The following ZDHHC16 variants were observed in gnomAD, a reference collection of about 807,000 sequenced individuals.
The protein encoded by ZDHHC16 is palmitoyltransferase ZDHHC16.
In ZDHHC16, 33 loss-of-function variants were observed where a neutral mutation model predicts 54.4. That is an observed-to-expected ratio of 0.61 (90% CI 0.46 to 0.81). The LOEUF is 0.81. Among genes scored for constraint, ZDHHC16 ranks in the 30% least tolerant of loss-of-function variants. ZDHHC16 has a pLI of 0.00. For synonymous variants in ZDHHC16, 185 were observed against 182.1 expected (o/e 1.02, Z -0.13); for missense variants, 420 against 485.9 (o/e 0.86, Z 1.28).
chr10:97,456,926 T>A lies in ZDHHC16; in HGVS notation c.*35T>A. ...TGTCAGCCACGACTCGAGCACTCATTCTGCTCCCTATGTTATTTCAAGGGC... is the reference window on the plus strand; with the variant it reads ...TGTCAGCCACGACTCGAGCACTCATACTGCTCCCTATGTTATTTCAAGGGC... On this transcript the variant is annotated 3_prime_UTR_variant, in exon 12 of 12. Transcript: ENST00000393760. 3 of 1,528,230 alleles carry A rather than the reference T, an allele frequency of 2.0e-6. No homozygotes were observed. In the South Asian group the frequency reaches 3.6e-5, roughly 18 times the overall value. The allele number at this position is 1,528,230 out of a possible 1,614,324, so 94.7% of individuals were successfully genotyped here. A position where few individuals can be genotyped will look rare whatever the true frequency, so the allele number is the denominator to read the frequency against.
In ZDHHC16 at chr10:97,456,049, T is replaced by C. The variant is rs1179064410; in HGVS notation, c.1019+5T>C. On this transcript the variant is annotated splice_donor_5th_base_variant and intron_variant, in intron 11 of 11. Coordinates refer to ENST00000393760, the MANE Select transcript of ZDHHC16 (RefSeq NM_198046.3). ...CCTGGGTGTGGATACAGGAAGGTAA[T>C]GTAAGACACACAGACTAATGCTGTC... The C allele has an allele frequency of 3.1e-6, 5 of 1,613,864 alleles. No individual in the cohort carries two copies. The highest frequency in any genetic ancestry group is 2.7e-5 in the African/African-American group (2 of 74,926).
intron 9 of ZDHHC16, 132 bp from the exon 10 acceptor site, chr10:97,455,528 A>C: frequency 6.9e-7 from 1 of 1,443,608 alleles, no homozygotes; most frequent in South Asian, 1.3e-5. Flanking sequence ...TTTATCTAGG[A>C]TATATGGTGG....
At chr10:97,452,012 C>A (rs1156913626) in intron 3 of ZDHHC16, 78 bp from the exon 4 acceptor site, 4 of 1,600,288 alleles carry the variant, frequency 2.5e-6, no homozygotes, top group Non-Finnish European at 3.4e-6. Context: ...AGGCCGGCCC[C>A]CACCCCCAGG....
At chr10:97,453,395 C>A in intron 6 of ZDHHC16, 135 bp from the exon 7 acceptor site, 1 of 1,273,016 alleles carries the variant, frequency 7.9e-7, no homozygotes, top group Non-Finnish European at 1.1e-6. Context: ...TATTTTCTTG[C>A]CTTTGGAAAG....
In ZDHHC16 at chr10:97,451,680, G is replaced by T. The variant is rs762631840; in HGVS notation, c.5G>T (p.Arg2Leu). The change falls in exon 3 of 12, where the codon CGA (arginine) becomes CTA (leucine). Residue 2 changes from arginine to leucine, a missense_variant. Arg to Leu is a moderately radical substitution (Grantham distance 102). Transcript: ENST00000393760. M[R>L]GQRSLLLGPA... ...TGGTGTGCTCTCGTAGGAACCATGC[G>T]AGGCCAGCGGAGCCTGCTGCTGGGC... 1 of 1,609,752 alleles carries T rather than the reference G, an allele frequency of 6.2e-7. No individual in the cohort carries two copies. The highest frequency in any genetic ancestry group is 1.7e-5 in the Admixed American group (1 of 59,818).
rs1235950070 is a variant in ZDHHC16, at chr10:97,454,794, G to A, written c.819G>A (p.Leu273=). Residue 273 remains leucine (L), a synonymous_variant, in exon 9 of 12, where the codon CTG becomes CTA. Coordinates refer to ENST00000393760, the MANE Select transcript of ZDHHC16 (RefSeq NM_198046.3). The part of the protein sequence containing the change: ...THKSLVYLWF[L]CSSVALALGA... ...AGAGTCTTGTCTACCTCTGGTTCCT[G>A]TGCAGGTATTTGTTTTTGATAGTTT... 1.9e-6 allele frequency: 3 copies of A among 1,613,982 alleles called. No homozygotes were observed. The highest frequency in any genetic ancestry group is 1.1e-5 in the South Asian group (1 of 91,042).
chr10:97,446,347 G>T lies in ZDHHC16; in HGVS notation c.-192G>T. On this transcript the variant is annotated 5_prime_UTR_variant, in exon 1 of 12. Coordinates refer to ENST00000393760, the MANE Select transcript of ZDHHC16 (RefSeq NM_198046.3). Reference sequence around the variant, plus strand: ...GTTTGGCTGACTGGGGAGTCGGCAGGCGGCAGGTAAGGGCGAAGCCTCGGC... The same window carrying T: ...GTTTGGCTGACTGGGGAGTCGGCAGTCGGCAGGTAAGGGCGAAGCCTCGGC... 1 of 400,186 alleles carries T rather than the reference G, an allele frequency of 2.5e-6. No individual in the cohort carries two copies. The highest frequency in any genetic ancestry group is 5.6e-5 in the East Asian group (1 of 17,786). The allele number at this position is 400,186 out of a possible 1,614,324, so 24.8% of individuals were successfully genotyped here. A position where few individuals can be genotyped will look rare whatever the true frequency, so the allele number is the denominator to read the frequency against.
chr10:97,452,373 G>C (rs370862754), intron 4 of ZDHHC16, 42 bp from the exon 5 acceptor site: 4 of 1,611,840 alleles, frequency 2.5e-6, no homozygotes, highest in Non-Finnish European at 3.4e-6. Flanking sequence ...AGTTTTGAGA[G>C]ACAGAACTGG....
chr10:97,452,497 G>GC lies in ZDHHC16; in HGVS notation c.522dup (p.Asn175GlnfsTer22). The GC allele has an allele frequency of 6.2e-7, 1 of 1,614,004 alleles. No homozygotes were observed. The highest frequency in any genetic ancestry group is 8.5e-7 in the Non-Finnish European group (1 of 1,179,926). On this transcript the variant is annotated frameshift_variant, in exon 5 of 12. Coordinates refer to ENST00000393760, the MANE Select transcript of ZDHHC16 (RefSeq NM_198046.3). LOFTEE classifies it high-confidence loss of function. ...GCCCGAACACACCACTGCAGCATCT[G>GC]CAACAGGTGGGTCTTGGCTTTGCTC...
At chr10:97,455,063 T>C (rs142023266) in intron 9 of ZDHHC16, among the ~76,000 whole-genome samples, 121 of 152,336 alleles carry the variant, frequency 7.9e-4, no homozygotes, top group South Asian at 2.7e-3. Flanking sequence ...TCTTAGCACC[T>C]GTCTAAAGGC....
At position 97,455,788 on chromosome 10, in the gene ZDHHC16, G is replaced by A; in HGVS notation, c.948+5G>A. The A allele has an allele frequency of 2.5e-6, 4 of 1,613,412 alleles. No homozygotes were observed. The highest frequency in any genetic ancestry group is 3.4e-6 in the Non-Finnish European group (4 of 1,179,302). Reference sequence around the variant, plus strand: ...CGGCTACAGGCCAAGGGCAGAGTGAGTAGGGTTGAAGGCTCGGGGTGGGTA... The same window carrying A: ...CGGCTACAGGCCAAGGGCAGAGTGAATAGGGTTGAAGGCTCGGGGTGGGTA... On this transcript the variant is annotated splice_donor_5th_base_variant and intron_variant, in intron 10 of 11. Transcript: ENST00000393760.
intron 7 of ZDHHC16, 27 bp from the exon 8 acceptor site, chr10:97,453,772 A>G: frequency 6.2e-7 from 1 of 1,614,202 alleles, no homozygotes; most frequent in Non-Finnish European, 8.5e-7. Context: ...CTGAGAGTAT[A>G]ACCAGCACTG....
chr10:97,452,951 A>G (rs1192796268), intron 6 of ZDHHC16, 28 bp downstream of exon 6: 5 of 1,614,022 alleles, frequency 3.1e-6, no homozygotes. Flanking sequence ...CTTCTGCCTG[A>G]GGCCTTCTTT....
At chr10:97,456,309 T>TC (rs1847178762) in intron 11 of ZDHHC16, 30 of 450,770 alleles carry the variant, frequency 6.7e-5, no homozygotes, top group South Asian at 4.6e-4. Flanking sequence ...GTGTAGGATA[T>TC]GGTGGCCACC....
chr10:97,455,565 G>T, intron 9 of ZDHHC16, 95 bp from the exon 10 acceptor site: 14 of 1,600,642 alleles, frequency 8.7e-6, no homozygotes, highest in Non-Finnish European at 1.2e-5. Context: ...AGGTAGAGAG[G>T]TTCCAAACCA....
rs371597767 is a variant in ZDHHC16, at chr10:97,451,674, C to G, written c.-2C>G. On this transcript the variant is annotated 5_prime_UTR_variant, in exon 3 of 12. Transcript: ENST00000393760. ...TCACAATGGTGTGCTCTCGTAGGAA[C>G]CATGCGAGGCCAGCGGAGCCTGCTG... The G allele has an allele frequency of 9.9e-6, 16 of 1,608,120 alleles. No homozygotes were observed. Among genetic ancestry groups the G allele is most frequent in the Non-Finnish European group, 1.3e-5 (15 of 1,178,040 alleles).
In ZDHHC16 at chr10:97,456,970, T is replaced by C. The variant is rs1318769025; in HGVS notation, c.*79T>C. On this transcript the variant is annotated 3_prime_UTR_variant, in exon 12 of 12. Transcript: ENST00000393760. ...CAAGGGCCTCCAAGGGCAGCTTTTC[T>C]CAGAATCCTTGATCAAAAAGAGCCA... 6.7e-6 allele frequency: 8 copies of C among 1,197,178 alleles called. No individual in the cohort carries two copies. Among genetic ancestry groups the C allele is most frequent in the Non-Finnish European group, 9.2e-6 (8 of 873,088 alleles). 74.2% of individuals were successfully genotyped at this position (1,197,178 alleles called of 1,614,324 possible).
rs769634426 is a variant in ZDHHC16, at chr10:97,453,674, C to T, written c.690+11C>T. ...TATGCTGCCATTGAGGTGAGCTCATCAGGAACAGGGCAGCTCAGTAGTGCA... is the reference window on the plus strand; with the variant it reads ...TATGCTGCCATTGAGGTGAGCTCATTAGGAACAGGGCAGCTCAGTAGTGCA... On this transcript the variant is annotated intron_variant, in intron 7 of 11. Coordinates refer to ENST00000393760, the MANE Select transcript of ZDHHC16 (RefSeq NM_198046.3). 6.2e-7 allele frequency: 1 copy of T among 1,614,186 alleles called. No individual in the cohort carries two copies. The highest frequency in any genetic ancestry group is 2.2e-5 in the East Asian group (1 of 44,886).
rs371453126 is a variant in ZDHHC16 at position 97,456,765 on chromosome 10, C to T, written c.1020-12C>T. ...TTCTTGAACTCAGAGACATTTCTCT[C>T]TTCTCTTCTAGGCACTGGCTTACTC... On this transcript the variant is annotated splice_polypyrimidine_tract_variant and intron_variant, in intron 11 of 11. Transcript: ENST00000393760. 6 of 1,587,564 alleles carry T rather than the reference C, an allele frequency of 3.8e-6. No individual in the cohort carries two copies. In the African/African-American group the frequency reaches 8.1e-5, roughly 21 times the overall value.
Sources: allele counts gnomAD v4.1 joint callset (sites outside exome capture counted in the v4.1 genomes callset), GRCh38; gene constraint gnomAD v4.1.1; transcripts MANE v1.5; gene names NCBI Gene and HGNC (gene_info 2026-07-23, HGNC 2026-07-21).